TADA2A: variants seen among roughly 807,000 people sequenced by gnomAD.
The protein encoded by TADA2A is transcriptional adapter 2-alpha.
Under a neutral mutation model 67.4 loss-of-function variants are expected in TADA2A, and 38 were observed. The observed-to-expected ratio is 0.56, with a 90% CI of 0.44 to 0.74. The LOEUF is 0.74. Among genes scored for constraint, TADA2A ranks in the 30% least tolerant of loss-of-function variants. The pLI is 0.00. For missense variants in TADA2A, 454 were observed against 547.0 expected (o/e 0.83, Z 1.70); for synonymous variants, 192 against 181.6 (o/e 1.06, Z -0.46).
At chr17:37,419,811 C>G (rs1268183353) in intron 2 of TADA2A, among the ~76,000 whole-genome samples, 1 of 142,316 alleles carries the variant, frequency 7.0e-6, no homozygotes, top group Non-Finnish European at 1.5e-5. Context: ...TTCAGGAGTT[C>G]GAGACCAGCC....
chr17:37,473,752 C>T (rs543514256), intron 14 of TADA2A, among the ~76,000 whole-genome samples: 2 of 152,188 alleles, frequency 1.3e-5, no homozygotes, highest in African/African-American at 4.8e-5. Context: ...TGACCTCAGC[C>T]CCTGCTTTGC....
chr17:37,416,152 C>T (rs2052038427), intron 2 of TADA2A, among the ~76,000 whole-genome samples: 1 of 146,086 alleles, frequency 6.8e-6, no homozygotes. Flanking sequence ...GAGTTTCACT[C>T]TTGTCACCCA....
chr17:37,471,048 C>A, intron 13 of TADA2A, 46 bp from the exon 14 acceptor site: 1 of 1,610,372 alleles, frequency 6.2e-7, no homozygotes. Flanking sequence ...TTGGAAATCA[C>A]CTTGTTTGAT....
intron 5 of TADA2A, among the ~76,000 whole-genome samples, chr17:37,438,610 T>G (rs1403922760): frequency 6.6e-6 from 1 of 152,234 alleles, no homozygotes; most frequent in Non-Finnish European, 1.5e-5. Flanking sequence ...GCCTCCCTTA[T>G]GTCCAGGGAC....
chr17:37,474,884 G>A (rs1181864052), intron 15 of TADA2A, among the ~76,000 whole-genome samples: 1 of 152,104 alleles, frequency 6.6e-6, no homozygotes, highest in Non-Finnish European at 1.5e-5. Context: ...CATAATAATA[G>A]CAACTATCAT....
At chr17:37,462,278 G>A (rs1239796130) in intron 10 of TADA2A, among the ~76,000 whole-genome samples, 157 bp downstream of exon 10, 1 of 152,112 alleles carries the variant, frequency 6.6e-6, no homozygotes, top group Admixed American at 6.6e-5. Context: ...TGGAGGCACA[G>A]CACCTGCATT....
chr17:37,461,924 A>G, intron 9 of TADA2A, 154 bp from the exon 10 acceptor site: 1 of 594,256 alleles, frequency 1.7e-6, no homozygotes, highest in Non-Finnish European at 3.0e-6. Flanking sequence ...TTAGTGATTC[A>G]CTGACCTGCA....
intron 4 of TADA2A, among the ~76,000 whole-genome samples, chr17:37,436,168 CTG>C (rs1381892320): frequency 2.0e-5 from 3 of 151,948 alleles, no homozygotes; most frequent in Admixed American, 6.6e-5. Flanking sequence ...CTCAAAATAA[CTG>C]TCAATACTAA....
At chr17:37,414,242 C>A (rs1425608301) in intron 2 of TADA2A, among the ~76,000 whole-genome samples, 1 of 151,892 alleles carries the variant, frequency 6.6e-6, no homozygotes, top group Non-Finnish European at 1.5e-5. Context: ...CCTATTTTTT[C>A]AAGGATTTAC....
chr17:37,429,167 A>G lies in TADA2A; in HGVS notation c.192+2158A>G, dbSNP rs1056237897. 4.6e-5 allele frequency among the ~76,000 whole-genome samples: 7 copies of G among 152,148 alleles called. No individual in the cohort carries two copies. In the South Asian group the frequency reaches 1.5e-3, roughly 32 times the overall value. ...AGGCTGGTCTCAAACTCCTGGGCTC[A>G]AGTGATCCTCCCACCTCAACCCTCA... On this transcript the variant is annotated intron_variant, in intron 4 of 15. Coordinates refer to ENST00000615182, the MANE Select transcript of TADA2A (RefSeq NM_001166105.3).
At position 37,421,800 on chromosome 17, in the gene TADA2A, AAGG is replaced by A. The variant is rs1272450476; in HGVS notation, c.26-1706_26-1704del. On this transcript the variant is annotated intron_variant, in intron 2 of 15. Transcript: ENST00000615182. ...GAGTGAGACCCTATCTCAAAAAAAA[AAGG>A]AGTTTTCTCTTATTTGCCCCAACTT... is the stretch of plus-strand genomic sequence containing the variant. Among the ~76,000 whole-genome samples, 4 of 82,848 alleles carry A rather than the reference AAGG, an allele frequency of 4.8e-5. 1 individual carries two copies. The highest frequency in any genetic ancestry group is 3.9e-4 in the Admixed American group (3 of 7,608). 54.4% of individuals were successfully genotyped at this position (82,848 alleles called of 152,430 possible). A position where few individuals can be genotyped will look rare whatever the true frequency, so the allele number is the denominator to read the frequency against.
At chr17:37,416,885 A>G (rs2052066547) in intron 2 of TADA2A, among the ~76,000 whole-genome samples, 1 of 152,050 alleles carries the variant, frequency 6.6e-6, no homozygotes, top group Non-Finnish European at 1.5e-5. Context: ...GCCTCAAAAA[A>G]AAAAAAGCCT....
intron 8 of TADA2A, among the ~76,000 whole-genome samples, chr17:37,457,174 T>G (rs748547325): frequency 6.9e-6 from 1 of 143,992 alleles, no homozygotes; most frequent in Non-Finnish European, 1.5e-5. Flanking sequence ...ACAATCATTA[T>G]TCTTTTTTTT....
intron 9 of TADA2A, among the ~76,000 whole-genome samples, chr17:37,461,529 C>G (rs1278500072): frequency 6.6e-6 from 1 of 152,316 alleles, no homozygotes; most frequent in East Asian, 1.9e-4. Flanking sequence ...ACAATTCGAG[C>G]TAGAGAGTAC....
At chr17:37,450,938 C>A (rs956937242) in intron 8 of TADA2A, among the ~76,000 whole-genome samples, 5 of 152,134 alleles carry the variant, frequency 3.3e-5, no homozygotes, top group Non-Finnish European at 7.4e-5. Context: ...TGTTTCTTTT[C>A]TTCCTTTTGT....
chr17:37,460,827 C>A (rs779707073), intron 9 of TADA2A, among the ~76,000 whole-genome samples: 2 of 151,992 alleles, frequency 1.3e-5, no homozygotes, highest in Non-Finnish European at 2.9e-5. Flanking sequence ...ACAGTGATAT[C>A]TCAGCAATAA....
chr17:37,426,664 AG>A (rs1237355392), intron 3 of TADA2A: 3,282 of 144,878 alleles, frequency 0.023, 160 homozygotes, highest in African/African-American at 0.042. Flanking sequence ...ACTCCGTCTC[AG>A]AAAAAAAAAA....
intron 8 of TADA2A, chr17:37,454,169 C>T (rs1417729412): frequency 6.6e-6 from 1 of 152,666 alleles, no homozygotes; most frequent in Non-Finnish European, 1.5e-5. Flanking sequence ...AGCTTCTGCC[C>T]TGAAAGTTGA....
chr17:37,449,366 T>C lies in TADA2A; in HGVS notation c.604+4598T>C, dbSNP rs543864106. ...TAGGATATTTTAGACATGAATACTATCAGTAATAATTGCTAATACATATAG... is the reference window on the plus strand; with the variant it reads ...TAGGATATTTTAGACATGAATACTACCAGTAATAATTGCTAATACATATAG... On this transcript the variant is annotated intron_variant, in intron 8 of 15. Transcript: ENST00000615182. Among the ~76,000 whole-genome samples the C allele has an allele frequency of 4.6e-5, 7 of 152,336 alleles. No individual in the cohort carries two copies. In the East Asian group the frequency reaches 1.3e-3, roughly 29 times the overall value.
Sources: allele counts gnomAD v4.1 joint callset (sites outside exome capture counted in the v4.1 genomes callset), GRCh38; gene constraint gnomAD v4.1.1; transcripts MANE v1.5; gene names NCBI Gene and HGNC (gene_info 2026-07-23, HGNC 2026-07-21).